Variants in MPPED2 observed in about 807,000 individuals in gnomAD.
The protein encoded by MPPED2 is metallophosphoesterase domain containing 2.
Under a neutral mutation model 33.0 loss-of-function variants are expected in MPPED2, and 5 were observed. That is an observed-to-expected ratio of 0.15 (90% confidence interval 0.08 to 0.32). The LOEUF is 0.32. Among genes scored for constraint, MPPED2 ranks in the 10% least tolerant of loss-of-function variants. The pLI, the probability that MPPED2 is intolerant of heterozygous loss-of-function variation, is 1.00. For missense variants in MPPED2, 275 were observed against 372.1 expected, an observed-to-expected ratio of 0.74 and a Z score of 2.15; for synonymous variants, 136 against 141.9, an observed-to-expected ratio of 0.96 and a Z score of 0.29.
chr11:30,392,919 T>C (rs1224129866), intron 6 of MPPED2, among the ~76,000 whole-genome samples: 1 of 152,172 alleles, frequency 6.6e-6, no homozygotes, highest in African/African-American at 2.4e-5. Flanking sequence ...AAACACTTTA[T>C]CCGGTATCTT....
At chr11:30,458,647 T>C (rs917825505) in intron 4 of MPPED2, among the ~76,000 whole-genome samples, 1 of 152,134 alleles carries the variant, frequency 6.6e-6, no homozygotes, top group Non-Finnish European at 1.5e-5. Flanking sequence ...ACCTACAGCT[T>C]CAAAGTCAGT....
chr11:30,558,584 T>C (rs1956095400), intron 2 of MPPED2, among the ~76,000 whole-genome samples: 1 of 151,608 alleles, frequency 6.6e-6, no homozygotes, highest in South Asian at 2.1e-4. Context: ...CTCAGCTTTT[T>C]TTTTTTTTTT....
chr11:30,550,324 C>T (rs1038253957), intron 2 of MPPED2, among the ~76,000 whole-genome samples: 5 of 152,188 alleles, frequency 3.3e-5, no homozygotes, highest in Non-Finnish European at 7.3e-5. Flanking sequence ...CTAGGAAACA[C>T]ACTGAGTATC....
intron 3 of MPPED2, among the ~76,000 whole-genome samples, chr11:30,513,921 C>A (rs955501403): frequency 2.6e-5 from 4 of 152,174 alleles, no homozygotes; most frequent in African/African-American, 4.8e-5. Flanking sequence ...ACTGGCCAAG[C>A]CTCACTACAG....
chr11:30,410,609 T>G lies in MPPED2; in HGVS notation c.*859A>C. The G allele has an allele frequency of 1.0e-6, 1 of 985,818 alleles. No homozygotes were observed. The highest frequency in any genetic ancestry group is 1.7e-5 in the African/African-American group (1 of 57,364). The allele number at this position is 985,818 out of a possible 1,614,324, so 61.1% of individuals were successfully genotyped here. On this transcript the variant is annotated 3_prime_UTR_variant, in exon 7 of 7. Coordinates refer to ENST00000358117, the MANE Select transcript of MPPED2 (RefSeq NM_001584.3). ...TTGAGCTCTGAGAGAATGTGTCAGT[T>G]CCTTCCGACTTCTGATGTGTTGCTA... is the stretch of plus-strand genomic sequence containing the variant.
In MPPED2 at chr11:30,495,540, G is replaced by C. The variant is rs758022150; in HGVS notation, c.311-19C>G. The C allele has an allele frequency of 1.6e-5, 24 of 1,547,500 alleles. No individual in the cohort carries two copies. The highest frequency in any genetic ancestry group is 2.1e-5 in the Non-Finnish European group (23 of 1,120,124). ...AGGTTTCCTGAAATAAGAAAAAAGA[G>C]CACCAATTAGCACGTTCATTTCCCA... is the stretch of plus-strand genomic sequence containing the variant. On this transcript the variant is annotated intron_variant, in intron 3 of 6. Coordinates refer to ENST00000358117, the MANE Select transcript of MPPED2 (RefSeq NM_001584.3).
At chr11:30,512,075 C>T (rs546240) in intron 3 of MPPED2, among the ~76,000 whole-genome samples, 99,530 of 151,946 alleles carry the variant, frequency 0.66, 32,987 homozygotes, top group African/African-American at 0.76. Context: ...AGTTGAGATG[C>T]GCCACAACAC....
At chr11:30,568,245 C>CT (rs943076050) in intron 2 of MPPED2, among the ~76,000 whole-genome samples, 6 of 151,712 alleles carry the variant, frequency 4.0e-5, no homozygotes, top group Non-Finnish European at 7.4e-5. Flanking sequence ...TCTGGGTATA[C>CT]TTTTTTTTTC....
chr11:30,581,447 A>G (rs1473234739), intron 1 of MPPED2, among the ~76,000 whole-genome samples: 3 of 152,168 alleles, frequency 2.0e-5, no homozygotes, highest in African/African-American at 7.2e-5. Context: ...CTCATGTCCA[A>G]GTTGTTGCAA....
At chr11:30,509,182 CT>C (rs1223046467) in intron 3 of MPPED2, among the ~76,000 whole-genome samples, 1 of 152,000 alleles carries the variant, frequency 6.6e-6, no homozygotes, top group Non-Finnish European at 1.5e-5. Context: ...TATACAGGGG[CT>C]TTTTTTACTG....
At chr11:30,422,424 A>T (rs1948652637) in intron 4 of MPPED2, among the ~76,000 whole-genome samples, 1 of 152,208 alleles carries the variant, frequency 6.6e-6, no homozygotes. Flanking sequence ...TCAGTGAATT[A>T]CCTAAACTGC....
chr11:30,517,434 G>A (rs78429673), intron 3 of MPPED2, among the ~76,000 whole-genome samples: 2,158 of 152,142 alleles, frequency 0.014, 42 homozygotes, highest in African/African-American at 0.049. Context: ...CTATGTATAC[G>A]GTAAAAGACA....
chr11:30,494,737 C>CAAAAAAAAAAAAAA (rs767500886), intron 4 of MPPED2, among the ~76,000 whole-genome samples: 15 of 47,574 alleles, frequency 3.2e-4, no homozygotes, highest in Non-Finnish European at 4.0e-4. Flanking sequence ...TACTCCACCT[C>CAAAAAAAAAAAAAA]AAAAAAAAAA....
intron 4 of MPPED2, among the ~76,000 whole-genome samples, chr11:30,494,737 C>CA (rs767500886): frequency 0.076 from 3,625 of 47,608 alleles, 412 homozygotes; most frequent in Middle Eastern, 0.19. Context: ...TACTCCACCT[C>CA]AAAAAAAAAA....
At chr11:30,462,382 A>T (rs1157235505) in intron 4 of MPPED2, among the ~76,000 whole-genome samples, 1 of 152,178 alleles carries the variant, frequency 6.6e-6, no homozygotes, top group Non-Finnish European at 1.5e-5. Context: ...CCCACAACTT[A>T]TACACTCAAC....
chr11:30,434,387 C>T (rs1054095263), intron 4 of MPPED2, among the ~76,000 whole-genome samples: 1 of 152,066 alleles, frequency 6.6e-6, no homozygotes, highest in Admixed American at 6.6e-5. Context: ...CACAATAGCC[C>T]CTGAACAGCA....
chr11:30,401,254 G>T (rs528034607), intron 6 of MPPED2, among the ~76,000 whole-genome samples: 1 of 152,346 alleles, frequency 6.6e-6, no homozygotes, highest in South Asian at 2.1e-4. Context: ...CACTTGGAAA[G>T]AAACAGGCTT....
intron 4 of MPPED2, among the ~76,000 whole-genome samples, chr11:30,471,346 AC>A (rs1459109267): frequency 6.6e-6 from 1 of 152,046 alleles, no homozygotes; most frequent in Non-Finnish European, 1.5e-5. Context: ...CCTGCTTAAA[AC>A]CTTTCCATGG....
exon 7 of MPPED2, chr11:30,388,522 G>T (rs189328557): frequency 1.9e-3 from 307 of 164,030 alleles, no homozygotes; most frequent in African/African-American, 7.0e-3. Flanking sequence ...TGTTGGTAGG[G>T]GATGCCGAGG....
Sources: allele counts gnomAD v4.1 joint callset (sites outside exome capture counted in the v4.1 genomes callset), GRCh38; gene constraint gnomAD v4.1.1; transcripts MANE v1.5; gene names NCBI Gene and HGNC (gene_info 2026-07-23, HGNC 2026-07-21).